GRIK4: variants seen among roughly 807,000 people sequenced by gnomAD.
GRIK4 encodes glutamate receptor ionotropic, kainate 4.
A neutral mutation model predicts 104.9 loss-of-function variants in GRIK4; 40 were observed. The observed-to-expected ratio is 0.38, with a 90% CI of 0.30 to 0.50. The LOEUF (loss-of-function observed/expected upper bound fraction) is 0.50. Ranked by LOEUF, GRIK4 falls within the 20% of genes least tolerant of loss-of-function variation. The pLI is 0.93. For missense variants in GRIK4, 1,047 were observed against 1,308.1 expected (o/e 0.80, Z 3.08); for synonymous variants, 485 against 524.9 (o/e 0.92, Z 1.04).
intron 4 of GRIK4, among the ~76,000 whole-genome samples, chr11:120,806,215 C>T (rs150885131): frequency 6.6e-6 from 1 of 152,134 alleles, no homozygotes; most frequent in East Asian, 1.9e-4. Flanking sequence ...CAGCCTCCCC[C>T]CTCTCTCTTG....
intron 1 of GRIK4, among the ~76,000 whole-genome samples, chr11:120,564,244 T>TA (rs1282451495): frequency 2.0e-5 from 3 of 152,238 alleles, no homozygotes; most frequent in Admixed American, 6.5e-5. Context: ...AGCCCCTTGT[T>TA]ACGGGGGAAA....
chr11:120,981,702 A>G (rs1024042215), intron 19 of GRIK4, among the ~76,000 whole-genome samples: 1 of 152,208 alleles, frequency 6.6e-6, no homozygotes, highest in Non-Finnish European at 1.5e-5. Flanking sequence ...CATAAATACA[A>G]TGTTAGGAAG....
chr11:120,810,088 A>G (rs922667524), intron 4 of GRIK4, among the ~76,000 whole-genome samples: 1 of 151,968 alleles, frequency 6.6e-6, no homozygotes. Flanking sequence ...AAACAAAAGA[A>G]CGGTTGTGTG....
At chr11:120,662,084 C>T (rs1173376534) in intron 3 of GRIK4, among the ~76,000 whole-genome samples, 1 of 152,224 alleles carries the variant, frequency 6.6e-6, no homozygotes, top group Non-Finnish European at 1.5e-5. Context: ...GGGATTGAGC[C>T]AGAATCAGTA....
intron 3 of GRIK4, among the ~76,000 whole-genome samples, chr11:120,734,033 G>A (rs970722902): frequency 3.3e-5 from 5 of 152,128 alleles, no homozygotes; most frequent in Admixed American, 1.3e-4. Flanking sequence ...ACTGCGCCTG[G>A]CCCATTGTTT....
chr11:120,685,134 T>A (rs530342743), intron 3 of GRIK4, among the ~76,000 whole-genome samples: 1 of 152,286 alleles, frequency 6.6e-6, no homozygotes, highest in African/African-American at 2.4e-5. Flanking sequence ...AGCTTAGTCT[T>A]CAGGTACTGG....
intron 11 of GRIK4, among the ~76,000 whole-genome samples, chr11:120,878,994 C>A (rs1234652545): frequency 1.3e-5 from 2 of 152,186 alleles, no homozygotes; most frequent in Non-Finnish European, 1.5e-5. Context: ...ATACCAGACA[C>A]CACATGCGCA....
chr11:120,703,072 G>A (rs536386387), intron 3 of GRIK4, among the ~76,000 whole-genome samples: 5 of 152,280 alleles, frequency 3.3e-5, no homozygotes, highest in African/African-American at 4.8e-5. Context: ...GAACTTTCTC[G>A]ATGATGGCAA....
chr11:120,810,454 T>C (rs913084217), intron 4 of GRIK4, among the ~76,000 whole-genome samples: 1 of 152,114 alleles, frequency 6.6e-6, no homozygotes, highest in African/African-American at 2.4e-5. Flanking sequence ...GCTGTGAATA[T>C]AGGGAGGGAG....
At chr11:120,571,710 G>GC (rs907303536) in intron 1 of GRIK4, among the ~76,000 whole-genome samples, 1 of 151,964 alleles carries the variant, frequency 6.6e-6, no homozygotes, top group African/African-American at 2.4e-5. Context: ...TCTCTTGCCA[G>GC]CCCCCATTGT....
intron 1 of GRIK4, among the ~76,000 whole-genome samples, chr11:120,600,934 T>A (rs977441270): frequency 3.3e-5 from 5 of 151,848 alleles, no homozygotes; most frequent in Non-Finnish European, 7.4e-5. Context: ...CATGCGCCTG[T>A]AGTTCCAGCT....
At chr11:120,737,483 A>G (rs1951246819) in intron 3 of GRIK4, among the ~76,000 whole-genome samples, 1 of 152,246 alleles carries the variant, frequency 6.6e-6, no homozygotes, top group South Asian at 2.1e-4. Context: ...TTTCAAGAAT[A>G]CAGAGACAGT....
chr11:120,955,813 T>TTC (rs1395478067), intron 15 of GRIK4, among the ~76,000 whole-genome samples: 1 of 151,920 alleles, frequency 6.6e-6, no homozygotes, highest in African/African-American at 2.4e-5. Context: ...CAGCATTCTT[T>TTC]TTTTTTTTTT....
At chr11:120,762,425 C>T (rs964922050) in intron 3 of GRIK4, among the ~76,000 whole-genome samples, 4 of 152,134 alleles carry the variant, frequency 2.6e-5, no homozygotes, top group Non-Finnish European at 5.9e-5. Flanking sequence ...TATTTGAATA[C>T]CCTTTATTTC....
intron 3 of GRIK4, among the ~76,000 whole-genome samples, chr11:120,801,822 C>T (rs900256575): frequency 6.6e-6 from 1 of 152,076 alleles, no homozygotes; most frequent in Non-Finnish European, 1.5e-5. Flanking sequence ...TGATCCCATG[C>T]CATATCTTGT....
chr11:120,529,098 TC>T (rs1438220049), intron 1 of GRIK4, among the ~76,000 whole-genome samples: 1 of 152,052 alleles, frequency 6.6e-6, no homozygotes, highest in African/African-American at 2.4e-5. Context: ...GGAAGCCCTT[TC>T]CTGACGCCTC....
chr11:120,630,519 A>G (rs566095637), intron 1 of GRIK4, among the ~76,000 whole-genome samples: 130 of 152,312 alleles, frequency 8.5e-4, no homozygotes, highest in African/African-American at 3.0e-3. Context: ...CTCTGCCAGG[A>G]AAAAGTGAAA....
chr11:120,757,408 G>A (rs534094353), intron 3 of GRIK4, among the ~76,000 whole-genome samples: 3 of 152,206 alleles, frequency 2.0e-5, no homozygotes, highest in Non-Finnish European at 2.9e-5. Flanking sequence ...TGCCTTATCT[G>A]TGAAATGTGG....
intron 1 of GRIK4, among the ~76,000 whole-genome samples, chr11:120,572,875 C>T (rs1281134810): frequency 6.6e-6 from 1 of 152,042 alleles, no homozygotes; most frequent in Non-Finnish European, 1.5e-5. Context: ...CCAACTAAGG[C>T]CATTAAATAT....
Sources: allele counts gnomAD v4.1 joint callset (sites outside exome capture counted in the v4.1 genomes callset), GRCh38; gene constraint gnomAD v4.1.1; transcripts MANE v1.5; gene names NCBI Gene and HGNC (gene_info 2026-07-23, HGNC 2026-07-21).